Variants in KLRG1 observed in about 807,000 individuals in gnomAD.
KLRG1 encodes killer cell lectin like receptor G1, also known as killer cell lectin-like receptor subfamily G member 1.
A neutral mutation model predicts 21.8 loss-of-function variants in KLRG1; 16 were observed. The ratio of observed to expected loss-of-function variants is 0.73; its 90% CI spans 0.50 to 1.11. The LOEUF (loss-of-function observed/expected upper bound fraction) is 1.11. Ranked by LOEUF, KLRG1 falls within the 50% of genes most tolerant of loss-of-function variation. The pLI is 0.00. For synonymous variants in KLRG1, 69 were observed against 75.9 expected (o/e 0.91, Z 0.47); for missense variants, 173 against 218.3 (o/e 0.79, Z 1.31).
the KLRG1 span, among the ~76,000 whole-genome samples, chr12:9,023,098 C>T: frequency 6.6e-6 from 1 of 152,166 alleles, no homozygotes; most frequent in Non-Finnish European, 1.5e-5. Context: ...GTCAAGGATA[C>T]CTAGATTTAG....
the KLRG1 span, chr12:9,095,472 G>T: frequency 1.4e-6 from 2 of 1,473,622 alleles, no homozygotes; most frequent in South Asian, 1.2e-5. Flanking sequence ...TTCAAATACA[G>T]ACTCTTTTCC....
At chr12:9,205,111 G>A in the KLRG1 span, among the ~76,000 whole-genome samples, 1 of 151,934 alleles carries the variant, frequency 6.6e-6, no homozygotes, top group Admixed American at 6.6e-5. Context: ...ACAAAACAAA[G>A]TTTATATGAG....
chr12:8,997,689 T>A (rs1257666280), intron 3 of KLRG1, among the ~76,000 whole-genome samples: 2 of 152,222 alleles, frequency 1.3e-5, no homozygotes, highest in East Asian at 3.9e-4. Context: ...AGAGTTCACC[T>A]CCTATCTTAG....
chr12:9,043,951 T>A, the KLRG1 span, among the ~76,000 whole-genome samples: 5 of 152,322 alleles, frequency 3.3e-5, no homozygotes, highest in Middle Eastern at 3.4e-3. Context: ...AGAATCCCAG[T>A]GGAGTCTCCA....
At chr12:9,103,891 T>G in the KLRG1 span, among the ~76,000 whole-genome samples, 1 of 152,232 alleles carries the variant, frequency 6.6e-6, no homozygotes, top group Admixed American at 6.5e-5. Flanking sequence ...CAAATAGCTC[T>G]TTGAGACCCC....
At chr12:8,986,705 CCTTCTGATGT>C (rs1946846926), upstream of KLRG1, among the ~76,000 whole-genome samples, 3 of 152,174 alleles carry the variant, frequency 2.0e-5, no homozygotes, top group South Asian at 6.2e-4. Context: ...TCCTATGTTG[CCTTCTGATGT>C]GGTTTGGATC....
the KLRG1 span, chr12:9,072,399 G>T: frequency 5.0e-6 from 8 of 1,613,898 alleles, no homozygotes; most frequent in East Asian, 1.8e-4. Flanking sequence ...TGGGCTTTGG[G>T]TTCATCACAA....
chr12:9,017,760 G>A, the KLRG1 span, among the ~76,000 whole-genome samples: 13 of 152,148 alleles, frequency 8.5e-5, no homozygotes, highest in Non-Finnish European at 1.9e-4. Context: ...GGATGTCCTA[G>A]CTAGAGCAAT....
chr12:9,047,558 T>C, the KLRG1 span, among the ~76,000 whole-genome samples: 2 of 152,276 alleles, frequency 1.3e-5, no homozygotes, highest in South Asian at 4.1e-4. Context: ...TCTAAATATA[T>C]GAATGATTAA....
the KLRG1 span, among the ~76,000 whole-genome samples, chr12:9,120,852 C>CGTGTGTGTGTGTGTGTGTGTGTGT: frequency 4.9e-5 from 7 of 143,408 alleles, no homozygotes; most frequent in African/African-American, 1.8e-4. Flanking sequence ...ATCCCACTAA[C>CGTGTGTGTGTGTGTGTGTGTGTGT]GTGTGTGTGT....
chr12:9,140,689 T>G, the KLRG1 span, among the ~76,000 whole-genome samples: 1 of 152,202 alleles, frequency 6.6e-6, no homozygotes, highest in Non-Finnish European at 1.5e-5. Context: ...ATTAAATACC[T>G]ATGAGTTGGG....
chr12:9,013,447 T>A (rs2137466351), downstream of KLRG1, among the ~76,000 whole-genome samples: 1 of 152,350 alleles, frequency 6.6e-6, no homozygotes, highest in East Asian at 1.9e-4. Flanking sequence ...AATAGCTGTT[T>A]AGAGGAAGCT....
the KLRG1 span, chr12:9,160,353 G>A: frequency 6.2e-7 from 1 of 1,614,128 alleles, no homozygotes. Flanking sequence ...TTGATCTCCT[G>A]CGTCAGCTGC....
intron 1 of KLRG1, among the ~76,000 whole-genome samples, chr12:8,963,022 G>T (rs963704882): frequency 6.6e-6 from 1 of 152,142 alleles, no homozygotes; most frequent in Admixed American, 6.6e-5. Context: ...GAAAGTCAAT[G>T]ATAAAGAGAA....
chr12:9,020,943 G>A, the KLRG1 span, among the ~76,000 whole-genome samples: 13 of 152,142 alleles, frequency 8.5e-5, no homozygotes, highest in Non-Finnish European at 7.3e-5. Context: ...ACATACCTGG[G>A]CTATATGGGA....
chr12:9,086,027 T>C, the KLRG1 span, among the ~76,000 whole-genome samples: 3,289 of 152,276 alleles, frequency 0.022, 62 homozygotes, highest in Non-Finnish European at 0.036. Context: ...AAGAAAAGCC[T>C]AATAACTGTT....
At chr12:9,193,692 T>A in the KLRG1 span, among the ~76,000 whole-genome samples, 11 of 152,194 alleles carry the variant, frequency 7.2e-5, no homozygotes, top group African/African-American at 2.7e-4. Context: ...AATCTTTTGA[T>A]CATCGTCATT....
the KLRG1 span, chr12:9,113,477 C>T: frequency 4.3e-6 from 7 of 1,613,812 alleles, no homozygotes; most frequent in Non-Finnish European, 5.1e-6. Context: ...TCAGGTAGCT[C>T]AGAAGGACAC....
At chr12:9,201,260 T>A in the KLRG1 span, 1 of 1,393,366 alleles carries the variant, frequency 7.2e-7, no homozygotes, top group Non-Finnish European at 1.0e-6. Flanking sequence ...CTGTCTAGAG[T>A]ATTATCAGAA....
Sources: allele counts gnomAD v4.1 joint callset (sites outside exome capture counted in the v4.1 genomes callset), GRCh38; gene constraint gnomAD v4.1.1; transcripts MANE v1.5; gene names NCBI Gene and HGNC (gene_info 2026-07-23, HGNC 2026-07-21).